Variants in ZNF365 observed in about 807,000 individuals in gnomAD.
ZNF365 encodes protein ZNF365.
A neutral mutation model predicts 35.0 loss-of-function variants in ZNF365; 22 were observed. The ratio of observed to expected loss-of-function variants is 0.63; its 90% CI spans 0.45 to 0.90. ZNF365 has a LOEUF of 0.90. ZNF365 is among the 40% of genes least tolerant of loss of function. The pLI, the probability that ZNF365 is intolerant of heterozygous loss-of-function variation, is 0.00. For missense variants in ZNF365, 448 were observed against 500.3 expected, an observed-to-expected ratio of 0.90 and a Z score of 1.00; for synonymous variants, 188 against 196.2, an observed-to-expected ratio of 0.96 and a Z score of 0.35.
At chr10:62,454,096 C>T (rs1423429894) in intron 3 of ZNF365, among the ~76,000 whole-genome samples, 2 of 152,152 alleles carry the variant, frequency 1.3e-5, no homozygotes, top group Admixed American at 6.5e-5. Context: ...ATGTACAACT[C>T]AGTGTCTCAG....
intron 3 of ZNF365, among the ~76,000 whole-genome samples, chr10:62,425,987 A>G (rs1190947286): frequency 6.6e-6 from 1 of 152,174 alleles, no homozygotes; most frequent in African/African-American, 2.4e-5. Flanking sequence ...CCAAACAACC[A>G]TTTTGACTCA....
chr10:62,480,217 A>G, exon 5 of ZNF365: 2 of 1,068,882 alleles, frequency 1.9e-6, no homozygotes, highest in Non-Finnish European at 2.3e-6. Flanking sequence ...TATGAGATAG[A>G]GTCATATTCT....
intron 3 of ZNF365, among the ~76,000 whole-genome samples, chr10:62,420,977 T>G (rs1840158545): frequency 6.6e-6 from 1 of 151,482 alleles, no homozygotes; most frequent in African/African-American, 2.4e-5. Context: ...GAGATGGTTT[T>G]TTTTTTTTTT....
chr10:62,427,822 A>G (rs1209194955), intron 3 of ZNF365, among the ~76,000 whole-genome samples: 2 of 152,082 alleles, frequency 1.3e-5, no homozygotes, highest in African/African-American at 4.8e-5. Flanking sequence ...TGCACTGGGG[A>G]TCTTCTCTGT....
chr10:62,468,118 C>T (rs1044538358), intron 4 of ZNF365, among the ~76,000 whole-genome samples: 5 of 151,826 alleles, frequency 3.3e-5, no homozygotes, highest in African/African-American at 1.2e-4. Context: ...TTATAAAATT[C>T]ATTAAAAATA....
intron 3 of ZNF365, among the ~76,000 whole-genome samples, chr10:62,446,603 T>A (rs1589458246): frequency 5.6e-5 from 1 of 17,856 alleles, no homozygotes; most frequent in Non-Finnish European, 2.1e-4. Context: ...CTTCCAGGGA[T>A]TTTTTTTCTT....
In ZNF365 at chr10:62,400,601, TG is replaced by T. The variant is rs1411197867; in HGVS notation, c.*814del. ...TGATTAGCACCCAGCATGGGCTGGG[TG>T]GCTAGGTGGTTGGAATGACAGTGGA... On this transcript the variant is annotated 3_prime_UTR_variant, in exon 5 of 5. Coordinates refer to ENST00000395254, the MANE Select transcript of ZNF365 (RefSeq NM_014951.3). 1 of 985,804 alleles carries T rather than the reference TG, an allele frequency of 1.0e-6. No individual in the cohort carries two copies. Among genetic ancestry groups the T allele is most frequent in the East Asian group, 1.1e-4 (1 of 8,940 alleles). 61.1% of individuals were successfully genotyped at this position (985,804 alleles called of 1,614,324 possible).
chr10:62,437,625 A>T (rs955138866), intron 3 of ZNF365, among the ~76,000 whole-genome samples: 3 of 152,236 alleles, frequency 2.0e-5, no homozygotes, highest in African/African-American at 7.2e-5. Context: ...AGTAAGGTGT[A>T]ACTCATAAAG....
At chr10:62,421,933 C>T (rs1361966657) in intron 3 of ZNF365, among the ~76,000 whole-genome samples, 1 of 152,200 alleles carries the variant, frequency 6.6e-6, no homozygotes, top group Non-Finnish European at 1.5e-5. Flanking sequence ...TGTTTTACCA[C>T]TGTATTCTGA....
At chr10:62,464,775 A>G (rs1396529470) in intron 4 of ZNF365, among the ~76,000 whole-genome samples, 2 of 152,250 alleles carry the variant, frequency 1.3e-5, no homozygotes, top group East Asian at 3.8e-4. Flanking sequence ...TGTTAGGGAC[A>G]CAATACTCGA....
chr10:62,464,339 C>T (rs1021558647), intron 4 of ZNF365, among the ~76,000 whole-genome samples: 4 of 152,214 alleles, frequency 2.6e-5, no homozygotes, highest in African/African-American at 9.7e-5. Context: ...ACACCCCATC[C>T]TATTTCTTCA....
At chr10:62,428,834 G>A (rs1251908052) in intron 3 of ZNF365, among the ~76,000 whole-genome samples, 1 of 152,174 alleles carries the variant, frequency 6.6e-6, no homozygotes, top group Non-Finnish European at 1.5e-5. Context: ...TCTCCCAGTG[G>A]TATGCTAGTA....
intron 3 of ZNF365, among the ~76,000 whole-genome samples, chr10:62,393,480 C>A (rs1336924731): frequency 6.6e-6 from 1 of 152,182 alleles, no homozygotes; most frequent in Non-Finnish European, 1.5e-5. Flanking sequence ...AGGAACTTTT[C>A]AGCTTTGTTA....
At chr10:62,407,156 A>T (rs999754912), downstream of ZNF365, among the ~76,000 whole-genome samples, 1 of 152,186 alleles carries the variant, frequency 6.6e-6, no homozygotes, top group Non-Finnish European at 1.5e-5. Flanking sequence ...TATAAAATTA[A>T]TCAGAGAAGC....
chr10:62,444,706 G>GCCATC (rs571673472), intron 3 of ZNF365, among the ~76,000 whole-genome samples: 17 of 152,112 alleles, frequency 1.1e-4, no homozygotes, highest in Admixed American at 6.5e-4. Flanking sequence ...GTAATGCCAT[G>GCCATC]CCATCAACTC....
intron 3 of ZNF365, among the ~76,000 whole-genome samples, chr10:62,437,920 T>A (rs997055122): frequency 1.3e-5 from 2 of 152,106 alleles, no homozygotes; most frequent in South Asian, 4.1e-4. Context: ...GTTTGATGAG[T>A]TTTATTTGCT....
chr10:62,406,360 T>G (rs1425200950), downstream of ZNF365, among the ~76,000 whole-genome samples: 1 of 152,194 alleles, frequency 6.6e-6, no homozygotes, highest in Non-Finnish European at 1.5e-5. Flanking sequence ...CATGTACCTA[T>G]TCCTTGTAGG....
At chr10:62,464,992 G>A (rs1840914984) in intron 4 of ZNF365, among the ~76,000 whole-genome samples, 1 of 152,226 alleles carries the variant, frequency 6.6e-6, no homozygotes, top group Admixed American at 6.5e-5. Flanking sequence ...AAGTTGGTGG[G>A]ATGGGAGCCT....
chr10:62,401,579 A>T lies in ZNF365; in HGVS notation c.*1790A>T, dbSNP rs1839830079. The T allele has an allele frequency of 9.1e-6, 9 of 984,390 alleles. No individual in the cohort carries two copies. Among genetic ancestry groups the T allele is most frequent in the African/African-American group, 1.7e-5 (1 of 57,190 alleles). 61.0% of individuals were successfully genotyped at this position (984,390 alleles called of 1,614,324 possible). A position where few individuals can be genotyped will look rare whatever the true frequency, so the allele number is the denominator to read the frequency against. On this transcript the variant is annotated 3_prime_UTR_variant, in exon 5 of 5. Coordinates refer to ENST00000395254, the MANE Select transcript of ZNF365 (RefSeq NM_014951.3). ...GCACTGTTTAGGCTAACATTGTAAA[A>T]ATTGTAATGTTATAATTATTATTTA...
Sources: gnomAD v4.1 joint callset for allele counts (sites outside exome capture counted in the v4.1 genomes callset) on GRCh38, gnomAD v4.1.1 for gene constraint, MANE v1.5 for transcripts, NCBI Gene and HGNC (gene_info 2026-07-23, HGNC 2026-07-21) for gene names.